The following NLGN1 variants were observed in gnomAD, a reference collection of about 807,000 sequenced individuals.
NLGN1 encodes the protein neuroligin 1.
NLGN1 carries 12 observed loss-of-function variants against 65.5 expected under a neutral mutation model. That is an observed-to-expected ratio of 0.18 (90% confidence interval 0.12 to 0.30). The LOEUF (loss-of-function observed/expected upper bound fraction) is 0.30. NLGN1 is among the 10% of genes least tolerant of loss of function. The probability of loss-of-function intolerance (pLI) is 1.00; values close to 1 mark genes in which losing one functional copy is unlikely to be tolerated. For missense variants in NLGN1, 750 were observed against 1,007.1 expected (o/e 0.74, Z 3.46); for synonymous variants, 350 against 359.5 (o/e 0.97, Z 0.30).
intron 4 of NLGN1, among the ~76,000 whole-genome samples, chr3:174,139,866 A>G (rs1414564748): frequency 6.6e-6 from 1 of 152,212 alleles, no homozygotes; most frequent in Admixed American, 6.5e-5. Flanking sequence ...ATCTTTTCAT[A>G]TGCTTACTTA....
intron 4 of NLGN1, among the ~76,000 whole-genome samples, chr3:173,989,644 A>T: frequency 6.6e-6 from 1 of 152,206 alleles, no homozygotes; most frequent in Non-Finnish European, 1.5e-5. Flanking sequence ...TCTTATTCAC[A>T]GTGGCTTAAA....
At chr3:174,154,989 A>AT (rs1170334751) in intron 4 of NLGN1, among the ~76,000 whole-genome samples, 15,002 of 99,092 alleles carry the variant, frequency 0.15, 2,277 homozygotes, top group East Asian at 0.4. Flanking sequence ...ATTATATTAT[A>AT]TATTATATAT....
intron 3 of NLGN1, among the ~76,000 whole-genome samples, chr3:173,659,444 CAT>C (rs1760588965): frequency 6.6e-6 from 1 of 151,906 alleles, no homozygotes; most frequent in African/African-American, 2.4e-5. Context: ...CACTGCATGA[CAT>C]AACCATTTAC....
At chr3:173,969,925 A>T (rs1223091867) in intron 4 of NLGN1, among the ~76,000 whole-genome samples, 2 of 151,762 alleles carry the variant, frequency 1.3e-5, no homozygotes, top group Non-Finnish European at 2.9e-5. Context: ...AAAAAAAAAA[A>T]GATCTAACCA....
chr3:173,715,454 C>T (rs888922390), intron 3 of NLGN1, among the ~76,000 whole-genome samples: 2 of 151,996 alleles, frequency 1.3e-5, no homozygotes, highest in East Asian at 1.9e-4. Context: ...ATTTTCTTGG[C>T]GTGATTCTTC....
At chr3:173,750,824 T>C (rs1776209767) in intron 3 of NLGN1, among the ~76,000 whole-genome samples, 1 of 152,062 alleles carries the variant, frequency 6.6e-6, no homozygotes, top group Admixed American at 6.6e-5. Flanking sequence ...TCCAGCTCTG[T>C]TATGATGTGT....
At chr3:173,764,257 G>A (rs1778422671) in intron 3 of NLGN1, among the ~76,000 whole-genome samples, 1 of 152,062 alleles carries the variant, frequency 6.6e-6, no homozygotes, top group Non-Finnish European at 1.5e-5. Context: ...GAAAACTAAT[G>A]GCATCTTAAC....
At chr3:173,918,406 G>A (rs946114755) in intron 4 of NLGN1, among the ~76,000 whole-genome samples, 1 of 152,090 alleles carries the variant, frequency 6.6e-6, no homozygotes, top group African/African-American at 2.4e-5. Flanking sequence ...GGGGGCCGAG[G>A]CAGGCAGATC....
intron 3 of NLGN1, among the ~76,000 whole-genome samples, chr3:173,627,388 CT>C (rs1195543062): frequency 1.3e-5 from 2 of 151,828 alleles, no homozygotes; most frequent in Admixed American, 1.3e-4. Context: ...GAATTTCCTT[CT>C]TTTTTTTCCA....
chr3:173,614,778 C>T (rs1399484291), intron 3 of NLGN1, among the ~76,000 whole-genome samples: 1 of 152,080 alleles, frequency 6.6e-6, no homozygotes, highest in Non-Finnish European at 1.5e-5. Context: ...ATGGAGACAC[C>T]ACCTACAATG....
At chr3:174,165,887 T>C (rs73048213) in intron 4 of NLGN1, among the ~76,000 whole-genome samples, 2,293 of 152,192 alleles carry the variant, frequency 0.015, 57 homozygotes, top group African/African-American at 0.052. Context: ...AGCTCAATAT[T>C]GGTCTGTTCA....
upstream of NLGN1, chr3:173,396,475 C>A (rs1716651913): frequency 6.6e-6 from 1 of 152,194 alleles, no homozygotes; most frequent in Non-Finnish European, 1.5e-5. Context: ...TACATATACG[C>A]GTGCCCAAGG....
chr3:173,440,746 T>G (rs1719010097), intron 2 of NLGN1, among the ~76,000 whole-genome samples: 1 of 152,152 alleles, frequency 6.6e-6, no homozygotes, highest in Non-Finnish European at 1.5e-5. Flanking sequence ...CAGAGTAGAT[T>G]TAGCATAATT....
rs374761139 is a variant in NLGN1 at position 173,575,761 on chromosome 3, T to G, written c.-320-28518T>G. ...ATCATACTCTTCTTTCATGTTGTTT[T>G]TAAGTTTCGTTTCTTTTCAGATCTT... On this transcript the variant is annotated intron_variant, in intron 2 of 6. Coordinates refer to ENST00000457714, the Ensembl canonical transcript of NLGN1. Among the ~76,000 whole-genome samples, 61 of 152,292 alleles carry G rather than the reference T, an allele frequency of 4.0e-4. 1 individual carries two copies. Among genetic ancestry groups the G allele is most frequent in the Middle Eastern group, 3.4e-3 (1 of 294 alleles).
At chr3:173,947,154 C>T (rs765820126) in intron 4 of NLGN1, among the ~76,000 whole-genome samples, 47 of 151,388 alleles carry the variant, frequency 3.1e-4, no homozygotes, top group African/African-American at 9.5e-4. Flanking sequence ...CTCTGCCTCC[C>T]GGGTTCAAAC....
intron 2 of NLGN1, among the ~76,000 whole-genome samples, chr3:173,542,546 A>T (rs1739070911): frequency 6.6e-6 from 1 of 152,080 alleles, no homozygotes; most frequent in African/African-American, 2.4e-5. Context: ...TAAACAGGCA[A>T]GAAGCTAACC....
At chr3:173,815,814 C>T (rs958532731) in intron 4 of NLGN1, among the ~76,000 whole-genome samples, 2 of 152,132 alleles carry the variant, frequency 1.3e-5, no homozygotes, top group Non-Finnish European at 2.9e-5. Flanking sequence ...TCATATACTT[C>T]TGTGTACCAA....
At chr3:173,556,026 T>C (rs1741651116) in intron 2 of NLGN1, among the ~76,000 whole-genome samples, 1 of 152,238 alleles carries the variant, frequency 6.6e-6, no homozygotes, top group Admixed American at 6.5e-5. Flanking sequence ...CCATCGCTTT[T>C]GATAAGCTGT....
intron 2 of NLGN1, among the ~76,000 whole-genome samples, chr3:173,509,731 T>C (rs953582418): frequency 6.6e-6 from 1 of 152,210 alleles, no homozygotes; most frequent in Non-Finnish European, 1.5e-5. Context: ...CATAGTTAGA[T>C]AAGAATAGTG....
Sources: allele counts gnomAD v4.1 joint callset (sites outside exome capture counted in the v4.1 genomes callset), GRCh38; gene constraint gnomAD v4.1.1; transcripts MANE v1.5; gene names NCBI Gene and HGNC (gene_info 2026-07-23, HGNC 2026-07-21).